L3MBTL3: variants seen among roughly 807,000 people sequenced by gnomAD.
L3MBTL3 encodes lethal(3)malignant brain tumor-like protein 3.
L3MBTL3 carries 27 observed loss-of-function variants against 102.3 expected under a neutral mutation model. That is an observed-to-expected ratio of 0.26 (90% CI 0.19 to 0.36). The LOEUF is 0.36. Among genes scored for constraint, L3MBTL3 ranks in the 10% least tolerant of loss-of-function variants. L3MBTL3 has a pLI of 1.00. For missense variants in L3MBTL3, 798 were observed against 955.3 expected (o/e 0.84, Z 2.17); for synonymous variants, 340 against 320.9 (o/e 1.06, Z -0.64).
chr6:130,116,599 A>G (rs948128400), intron 19 of L3MBTL3, among the ~76,000 whole-genome samples: 2 of 152,064 alleles, frequency 1.3e-5, no homozygotes, highest in South Asian at 2.1e-4. Context: ...CAAAAAAATT[A>G]AAAATTAGCC....
chr6:130,099,261 T>C (rs1784545409), intron 18 of L3MBTL3, among the ~76,000 whole-genome samples: 1 of 152,144 alleles, frequency 6.6e-6, no homozygotes, highest in Non-Finnish European at 1.5e-5. Flanking sequence ...TTCTGCTTGC[T>C]GAGGAGTTGC....
intron 22 of L3MBTL3, among the ~76,000 whole-genome samples, chr6:130,136,824 G>A (rs1787735516): frequency 6.6e-6 from 1 of 152,000 alleles, no homozygotes; most frequent in Non-Finnish European, 1.5e-5. Flanking sequence ...CACCATATTG[G>A]CCACACTGGT....
intron 16 of L3MBTL3, among the ~76,000 whole-genome samples, chr6:130,090,200 A>ATG (rs1209685282): frequency 6.6e-6 from 1 of 151,510 alleles, no homozygotes; most frequent in Non-Finnish European, 1.5e-5. Flanking sequence ...TTAAGCACAT[A>ATG]TATATATATA....
chr6:130,052,179 C>T (rs1006134995), intron 6 of L3MBTL3, among the ~76,000 whole-genome samples: 1 of 151,352 alleles, frequency 6.6e-6, no homozygotes. Flanking sequence ...GATCTTGGCT[C>T]ACTGCAACCT....
At chr6:130,052,024 A>G (rs1781128859) in intron 6 of L3MBTL3, among the ~76,000 whole-genome samples, 1 of 152,216 alleles carries the variant, frequency 6.6e-6, no homozygotes, top group South Asian at 2.1e-4. Flanking sequence ...ATCATTGTAT[A>G]CTACAAAGAA....
In L3MBTL3 at chr6:130,108,220, G is replaced by GTTTTTTTTTTTTTTTTTTTTTTTTTTT. The variant is rs376419261; in HGVS notation, c.1886+3655_1886+3656insTTTTTTTTTTTTTTTTTTTTTTTTTTT. On this transcript the variant is annotated intron_variant, in intron 19 of 22. Coordinates refer to ENST00000361794, the MANE Select transcript of L3MBTL3 (RefSeq NM_032438.4). ...ATAAGCCCTCAATAAATGTTAGGTG[G>GTTTTTTTTTTTTTTTTTTTTTTTTTTT]TTTTTTTTTTGTTTTTTTTTTTTTT... Among the ~76,000 whole-genome samples, 2 of 118,706 alleles carry GTTTTTTTTTTTTTTTTTTTTTTTTTTT rather than the reference G, an allele frequency of 1.7e-5. 1 individual carries two copies. Among genetic ancestry groups the GTTTTTTTTTTTTTTTTTTTTTTTTTTT allele is most frequent in the African/African-American group, 5.8e-5 (2 of 34,676 alleles). 77.9% of individuals were successfully genotyped at this position (118,706 alleles called of 152,430 possible).
chr6:130,048,756 C>T (rs139466110), intron 3 of L3MBTL3, among the ~76,000 whole-genome samples: 187 of 152,264 alleles, frequency 1.2e-3, no homozygotes, highest in African/African-American at 4.3e-3. Context: ...CTTCTGTGCT[C>T]ACTTCTTGGA....
intron 2 of L3MBTL3, among the ~76,000 whole-genome samples, chr6:130,033,023 G>A (rs1779826365): frequency 6.6e-6 from 1 of 152,120 alleles, no homozygotes; most frequent in Non-Finnish European, 1.5e-5. Context: ...AGACTGATTT[G>A]TCGGAAGTCA....
chr6:130,043,133 G>A (rs1190876241), intron 3 of L3MBTL3, among the ~76,000 whole-genome samples: 3 of 152,158 alleles, frequency 2.0e-5, no homozygotes, highest in Admixed American at 1.3e-4. Context: ...ACTTAGAAGA[G>A]CTATCTTTTT....
intron 14 of L3MBTL3, among the ~76,000 whole-genome samples, chr6:130,078,927 C>G (rs894508498): frequency 6.6e-6 from 1 of 152,058 alleles, no homozygotes; most frequent in Non-Finnish European, 1.5e-5. Flanking sequence ...TAGTTCATAA[C>G]AGAGTCTCAA....
intron 3 of L3MBTL3, among the ~76,000 whole-genome samples, chr6:130,045,193 GT>G (rs986415151): frequency 3.3e-5 from 5 of 152,130 alleles, no homozygotes; most frequent in Non-Finnish European, 7.4e-5. Context: ...TACCACAAGA[GT>G]TTTTTGGTGG....
chr6:130,116,973 T>TTTA lies in L3MBTL3; in HGVS notation c.1887-3904_1887-3903insATT, dbSNP rs1562326624. 4.9e-3 allele frequency among the ~76,000 whole-genome samples: 645 copies of TTTA among 131,836 alleles called. 2 individuals carry two copies. Among genetic ancestry groups the TTTA allele is most frequent in the African/African-American group, 5.9e-3 (217 of 36,560 alleles). The allele number at this position is 131,836 out of a possible 152,430, so 86.5% of individuals were successfully genotyped here. A position where few individuals can be genotyped will look rare whatever the true frequency, so the allele number is the denominator to read the frequency against. On this transcript the variant is annotated intron_variant, in intron 19 of 22. Transcript: ENST00000361794. ...TTTTTATTTATTTATTTATTTATTT[T>TTTA]TTTATTTTTTTATTATACTTTAAGT...
intron 7 of L3MBTL3, 90 bp downstream of exon 7, chr6:130,053,081 G>C: frequency 1.0e-6 from 1 of 983,788 alleles, no homozygotes; most frequent in Non-Finnish European, 1.6e-6. Flanking sequence ...AGCCCACTGA[G>C]TTCAAATGTG....
chr6:130,085,521 A>G (rs1409011615), intron 15 of L3MBTL3, among the ~76,000 whole-genome samples: 1 of 152,104 alleles, frequency 6.6e-6, no homozygotes, highest in Non-Finnish European at 1.5e-5. Context: ...CATCTGAGTA[A>G]TCAAATAACT....
intron 22 of L3MBTL3, among the ~76,000 whole-genome samples, chr6:130,135,291 T>G (rs1210667815): frequency 6.6e-6 from 1 of 152,050 alleles, no homozygotes; most frequent in Non-Finnish European, 1.5e-5. Context: ...CTCGAACTCC[T>G]GACCTCAGGT....
chr6:130,108,901 C>G (rs1468652067), intron 19 of L3MBTL3, among the ~76,000 whole-genome samples: 1 of 152,044 alleles, frequency 6.6e-6, no homozygotes, highest in Non-Finnish European at 1.5e-5. Context: ...GTTCCCCTCC[C>G]TGTTTCCGTG....
At chr6:130,073,378 G>A (rs1782754900) in intron 13 of L3MBTL3, among the ~76,000 whole-genome samples, 1 of 152,178 alleles carries the variant, frequency 6.6e-6, no homozygotes, top group Non-Finnish European at 1.5e-5. Flanking sequence ...TGCTTGGTGG[G>A]CTATGATGAT....
At chr6:130,125,315 T>C (rs920022429) in intron 20 of L3MBTL3, among the ~76,000 whole-genome samples, 1 of 152,232 alleles carries the variant, frequency 6.6e-6, no homozygotes, top group Admixed American at 6.5e-5. Context: ...GCAGTGTCTC[T>C]TATTTTCCTG....
At chr6:130,135,931 C>A (rs557480570) in intron 22 of L3MBTL3, among the ~76,000 whole-genome samples, 1 of 152,164 alleles carries the variant, frequency 6.6e-6, no homozygotes, top group Non-Finnish European at 1.5e-5. Context: ...CAAATCTAAC[C>A]GAAGTCTTAT....
Sources: gnomAD v4.1 joint callset for allele counts (sites outside exome capture counted in the v4.1 genomes callset) on GRCh38, gnomAD v4.1.1 for gene constraint, MANE v1.5 for transcripts, NCBI Gene and HGNC (gene_info 2026-07-23, HGNC 2026-07-21) for gene names.